Variants in ZNF678 observed in about 807,000 individuals in gnomAD.
ZNF678 encodes the protein hypothetical protein MGC42493.
A neutral mutation model predicts 3.0 loss-of-function variants in ZNF678; 5 were observed. That is an observed-to-expected ratio of 1.69 (90% CI 0.88 to 3.56). ZNF678 has a LOEUF of 3.56. ZNF678 is among the 30% of genes most tolerant of loss of function. ZNF678 has a pLI of 0.00. For missense variants in ZNF678, 593 were observed against 605.0 expected (o/e 0.98, Z 0.21); for synonymous variants, 218 against 199.6 (o/e 1.09, Z -0.78).
rs138667932 is a variant in ZNF678, at chr1:227,655,589, A to G, written c.1339A>G (p.Ile447Val). 418 of 1,611,488 alleles carry G rather than the reference A, an allele frequency of 2.6e-4. No homozygotes were observed. The highest frequency in any genetic ancestry group is 3.3e-4 in the Non-Finnish European group (390 of 1,178,866). Reference protein sequence around the residue: ...ECGKAFYQSSILSKHKRIHTE... With the variant: ...ECGKAFYQSSVLSKHKRIHTE... ...TGGCAAAGCTTTTTACCAATCCTCA[A>G]TCCTTAGTAAGCATAAGAGAATTCA... The change falls in exon 4 of 4, where the codon ATC becomes GTC. Residue 447 changes from isoleucine (I) to valine (V), a missense_variant. Physicochemically the swap from Ile to Val is conservative, Grantham distance 29. Transcript: ENST00000343776.
intron 1 of ZNF678, among the ~76,000 whole-genome samples, chr1:227,633,040 C>G (rs1350140440): frequency 6.6e-6 from 1 of 152,112 alleles, no homozygotes; most frequent in Non-Finnish European, 1.5e-5. Flanking sequence ...CTTAGCCATG[C>G]AGGAACAATG....
At chr1:227,589,733 T>C (rs1657360160) in intron 1 of ZNF678, among the ~76,000 whole-genome samples, 1 of 151,776 alleles carries the variant, frequency 6.6e-6, no homozygotes, top group Admixed American at 6.6e-5. Context: ...TTCCATACAA[T>C]GTCTGGAATC....
chr1:227,607,219 A>G (rs576001533), intron 1 of ZNF678, among the ~76,000 whole-genome samples: 5 of 152,236 alleles, frequency 3.3e-5, no homozygotes, highest in African/African-American at 7.2e-5. Context: ...ACGTTTGTCT[A>G]TAGTTTCTAA....
At chr1:227,592,113 A>T (rs937402062) in intron 1 of ZNF678, among the ~76,000 whole-genome samples, 1 of 152,228 alleles carries the variant, frequency 6.6e-6, no homozygotes, top group Admixed American at 6.5e-5. Flanking sequence ...CAATACCTCT[A>T]CATAGTTATG....
At chr1:227,635,065 A>C (rs1434129360) in intron 1 of ZNF678, among the ~76,000 whole-genome samples, 1 of 145,986 alleles carries the variant, frequency 6.8e-6, no homozygotes, top group Non-Finnish European at 1.5e-5. Flanking sequence ...GGAAGAGAAC[A>C]AGAGTCTCTG....
chr1:227,663,511 C>A (rs1377714749), downstream of ZNF678, among the ~76,000 whole-genome samples: 1 of 152,156 alleles, frequency 6.6e-6, no homozygotes, highest in Non-Finnish European at 1.5e-5. Flanking sequence ...TTTGGGTTAA[C>A]CCCCGGCTCC....
At chr1:227,669,016 C>A (rs1659555212) in intron 5 of ZNF678, among the ~76,000 whole-genome samples, 2 of 151,850 alleles carry the variant, frequency 1.3e-5, no homozygotes, top group East Asian at 3.9e-4. Flanking sequence ...GAATTTAAGA[C>A]CAAGCCCCCA....
At chr1:227,576,004 T>A (rs979189850) in intron 1 of ZNF678, among the ~76,000 whole-genome samples, 1 of 152,200 alleles carries the variant, frequency 6.6e-6, no homozygotes, top group African/African-American at 2.4e-5. Context: ...GAGATAATCA[T>A]GTTATTTTTG....
downstream of ZNF678, among the ~76,000 whole-genome samples, chr1:227,679,021 A>G (rs189749853): frequency 6.3e-4 from 96 of 152,300 alleles, no homozygotes; most frequent in South Asian, 5.4e-3. Context: ...CTGTTAATAA[A>G]CAAATGCCCA....
downstream of ZNF678, among the ~76,000 whole-genome samples, chr1:227,677,686 A>G (rs1659706791): frequency 6.6e-6 from 1 of 152,242 alleles, no homozygotes; most frequent in South Asian, 2.1e-4. Context: ...TTAGAAAATC[A>G]GAGACAGTTC....
rs574899127 is a variant in ZNF678, at chr1:227,618,119, C to T, written c.-163-28425C>T. Among the ~76,000 whole-genome samples, 12 of 152,338 alleles carry T rather than the reference C, an allele frequency of 7.9e-5. No individual in the cohort carries two copies. The East Asian group carries it at 1.4e-3, about 17-fold the overall frequency. ...CACAGGATGATAGCCAGCTACCTGG[C>T]GCCTGCCCTGAGTTGCCTTGTGTTA... On this transcript the variant is annotated intron_variant, in intron 1 of 3. Coordinates refer to ENST00000343776, the MANE Select transcript of ZNF678 (RefSeq NM_001367909.1).
downstream of ZNF678, among the ~76,000 whole-genome samples, chr1:227,678,641 A>T (rs1440076174): frequency 2.6e-5 from 4 of 152,312 alleles, no homozygotes; most frequent in East Asian, 7.7e-4. Context: ...TGGGACTAGG[A>T]CTTGTGCTTT....
At chr1:227,636,235 C>T (rs1209113825) in intron 1 of ZNF678, among the ~76,000 whole-genome samples, 1 of 152,168 alleles carries the variant, frequency 6.6e-6, no homozygotes, top group Non-Finnish European at 1.5e-5. Flanking sequence ...TGTTCGGTCC[C>T]ATCCCTTCCA....
At chr1:227,647,961 A>G (rs1187242564) in intron 2 of ZNF678, among the ~76,000 whole-genome samples, 1 of 152,238 alleles carries the variant, frequency 6.6e-6, no homozygotes, top group African/African-American at 2.4e-5. Flanking sequence ...TTTCAGCTTT[A>G]TGATTTTCTA....
chr1:227,580,925 A>G (rs78131093), intron 1 of ZNF678, among the ~76,000 whole-genome samples: 5 of 86,706 alleles, frequency 5.8e-5, no homozygotes, highest in Non-Finnish European at 1.2e-4. Context: ...ACTCCCTCTC[A>G]AAAAAAAAAA....
chr1:227,678,074 C>T (rs768831758), downstream of ZNF678, among the ~76,000 whole-genome samples: 1 of 152,114 alleles, frequency 6.6e-6, no homozygotes, highest in Non-Finnish European at 1.5e-5. Flanking sequence ...GGACTACAAC[C>T]CCAGACCCTA....
At chr1:227,669,630 C>G (rs985341576) in intron 5 of ZNF678, among the ~76,000 whole-genome samples, 1 of 138,562 alleles carries the variant, frequency 7.2e-6, no homozygotes, top group Admixed American at 7.5e-5. Flanking sequence ...GCCTGGGAGA[C>G]AGAGCGAGAC....
At chr1:227,611,499 C>G (rs530560982) in intron 1 of ZNF678, among the ~76,000 whole-genome samples, 2 of 152,202 alleles carry the variant, frequency 1.3e-5, no homozygotes, top group African/African-American at 2.4e-5. Context: ...TTGATCACCT[C>G]TAATGCGTTC....
rs1352674264 is a variant in ZNF678 at position 227,658,311 on chromosome 1, C to T, written c.*2483C>T. On this transcript the variant is annotated 3_prime_UTR_variant, in exon 4 of 4. Coordinates refer to ENST00000343776, the MANE Select transcript of ZNF678 (RefSeq NM_001367909.1). ...TGAGGTGAACAAACACAGGAAAGTG[C>T]TAGGTTTCCTGGGGGTATAATAGAT... 1 of 151,978 alleles carries T rather than the reference C, an allele frequency of 6.6e-6. No homozygotes were observed. Among genetic ancestry groups the T allele is most frequent in the East Asian group, 1.9e-4 (1 of 5,192 alleles). 9.4% of individuals were successfully genotyped at this position (151,978 alleles called of 1,614,324 possible).
Sources: gnomAD v4.1 joint callset for allele counts (sites outside exome capture counted in the v4.1 genomes callset) on GRCh38, gnomAD v4.1.1 for gene constraint, MANE v1.5 for transcripts, NCBI Gene and HGNC (gene_info 2026-07-23, HGNC 2026-07-21) for gene names.